KRT8: variants seen among roughly 807,000 people sequenced by gnomAD.
KRT8 encodes the protein keratin, type II cytoskeletal 8.
A neutral mutation model predicts 43.0 loss-of-function variants in KRT8; 24 were observed. The ratio of observed to expected loss-of-function variants is 0.56; its 90% CI spans 0.40 to 0.78. The LOEUF (loss-of-function observed/expected upper bound fraction) is 0.78, where lower values mean the gene tolerates loss of function less well. KRT8 is among the 30% of genes least tolerant of loss of function. The pLI, the probability that KRT8 is intolerant of heterozygous loss-of-function variation, is 0.00. For synonymous variants in KRT8, 214 were observed against 261.2 expected (o/e 0.82, Z 1.74); for missense variants, 492 against 638.4 (o/e 0.77, Z 2.47).
Position 52,935,396 on chromosome 12 carries a change from A to AG in KRT8, c.-47+14059_-47+14060insC, listed in dbSNP as rs1592184444. 2.7e-5 allele frequency among the ~76,000 whole-genome samples: 4 copies of AG among 145,520 alleles called. No homozygotes were observed. In the East Asian group the frequency reaches 8.1e-4, roughly 29 times the overall value. On this transcript the variant is annotated intron_variant, in intron 2 of 6. Coordinates refer to the KRT8 transcript ENST00000546826. ...TCTGTCTCAAAAAAAAAAAAAAAAA[A>AG]AAAAAAAAAAAAAAGGCCGGGCACA... is the stretch of plus-strand genomic sequence containing the variant.
At chr12:52,897,991 CCG>C (rs1941256461) in intron 7 of KRT8, among the ~76,000 whole-genome samples, 1 of 152,128 alleles carries the variant, frequency 6.6e-6, no homozygotes. Flanking sequence ...CAGTGAAACC[CCG>C]TCTCTACTAA....
chr12:52,920,929 A>C (rs1241226252), intron 2 of KRT8, among the ~76,000 whole-genome samples: 1 of 152,228 alleles, frequency 6.6e-6, no homozygotes, highest in Non-Finnish European at 1.5e-5. Flanking sequence ...GACTCTAGAG[A>C]GCACGCAGCT....
At chr12:52,946,431 C>A (rs145547523) in intron 2 of KRT8, among the ~76,000 whole-genome samples, 364 of 152,236 alleles carry the variant, frequency 2.4e-3, no homozygotes, top group African/African-American at 8.1e-3. Flanking sequence ...GAGTGAGTGA[C>A]AATTTACACT....
At chr12:52,924,625 A>T (rs182842601) in intron 2 of KRT8, among the ~76,000 whole-genome samples, 139 of 152,294 alleles carry the variant, frequency 9.1e-4, no homozygotes, top group Admixed American at 3.2e-3. Context: ...AAAATAAATT[A>T]TATGATGATA....
chr12:52,932,027 A>C (rs1446189552), intron 2 of KRT8, among the ~76,000 whole-genome samples: 1 of 150,128 alleles, frequency 6.7e-6, no homozygotes, highest in Non-Finnish European at 1.5e-5. Context: ...GAACTCCTGG[A>C]CTCAAGTAAT....
At chr12:52,914,054 C>T (rs1024524005) in intron 2 of KRT8, among the ~76,000 whole-genome samples, 6 of 149,472 alleles carry the variant, frequency 4.0e-5, no homozygotes, top group Non-Finnish European at 4.5e-5. Flanking sequence ...GAAATCCCGT[C>T]TCTACTAATA....
intron 2 of KRT8, among the ~76,000 whole-genome samples, chr12:52,923,825 T>C (rs543897548): frequency 7.3e-4 from 111 of 152,246 alleles, no homozygotes; most frequent in African/African-American, 2.6e-3. Flanking sequence ...CCTAAAGTGC[T>C]TGCAGTGTAG....
chr12:52,936,793 G>A (rs910580781), intron 2 of KRT8, among the ~76,000 whole-genome samples: 3 of 152,136 alleles, frequency 2.0e-5, no homozygotes, highest in African/African-American at 7.2e-5. Context: ...GGGATTACAG[G>A]TGTGAGGCAC....
intron 2 of KRT8, among the ~76,000 whole-genome samples, chr12:52,933,158 C>G (rs1942112023): frequency 6.6e-6 from 1 of 152,142 alleles, no homozygotes; most frequent in Non-Finnish European, 1.5e-5. Context: ...GTTGGCCAGG[C>G]TGGTCTTGAA....
upstream of KRT8, among the ~76,000 whole-genome samples, chr12:52,909,837 A>C (rs1163432771): frequency 1.3e-5 from 2 of 152,224 alleles, no homozygotes; most frequent in Non-Finnish European, 2.9e-5. Context: ...AAGAGATATG[A>C]TTAGAAATTA....
chr12:52,945,561 T>G (rs541770617), intron 2 of KRT8, among the ~76,000 whole-genome samples: 1 of 152,230 alleles, frequency 6.6e-6, no homozygotes, highest in East Asian at 1.9e-4. Flanking sequence ...ACCACCTAGT[T>G]TCCCCAGAGC....
At chr12:52,908,203 T>C (rs1941562868), upstream of KRT8, among the ~76,000 whole-genome samples, 1 of 151,680 alleles carries the variant, frequency 6.6e-6, no homozygotes, top group South Asian at 2.1e-4. Flanking sequence ...CTCATGATCA[T>C]GGGAAGAGAT....
Position 52,898,427 on chromosome 12 carries a change from T to C in KRT8, c.1261+34A>G, listed in dbSNP as rs754961598. ...AGCTGAGGCCTCCCTGGGCCCTGCCTCCCGCCCTCATCCCAGGGCCCTGGG... is the reference window on the plus strand; with the variant it reads ...AGCTGAGGCCTCCCTGGGCCCTGCCCCCCGCCCTCATCCCAGGGCCCTGGG... On this transcript the variant is annotated intron_variant, in intron 7 of 7. Coordinates refer to ENST00000692008, the Ensembl canonical transcript of KRT8. 24 of 1,596,840 alleles carry C rather than the reference T, an allele frequency of 1.5e-5. No homozygotes were observed. The South Asian group carries it at 2.1e-4, about 14-fold the overall frequency.
At chr12:52,925,903 T>C (rs1266693932) in intron 2 of KRT8, among the ~76,000 whole-genome samples, 1 of 152,070 alleles carries the variant, frequency 6.6e-6, no homozygotes, top group Admixed American at 6.6e-5. Context: ...GGCCCATTAC[T>C]CTGAGCTGGG....
At chr12:52,949,573 G>C (rs1227737710) in exon 2 of KRT8, 5 of 1,613,752 alleles carry the variant, frequency 3.1e-6, no homozygotes, top group Non-Finnish European at 4.2e-6. Context: ...CAAGATCATC[G>C]AGGACCTGAG....
intron 2 of KRT8, among the ~76,000 whole-genome samples, chr12:52,934,721 C>A (rs1942137983): frequency 1.3e-5 from 2 of 152,156 alleles, no homozygotes; most frequent in Non-Finnish European, 2.9e-5. Flanking sequence ...GTAATCCCAG[C>A]ACTTTGGGAA....
chr12:52,918,203 A>AAGAAGAAGAAGG (rs1565725692), intron 2 of KRT8, among the ~76,000 whole-genome samples: 7 of 116,032 alleles, frequency 6.0e-5, no homozygotes, highest in South Asian at 3.1e-4. Context: ...GAAGAAGAAG[A>AAGAAGAAGAAGG]ACAAGAAGAA....
exon 6 of KRT8, chr12:52,898,755 C>T: frequency 1.2e-6 from 2 of 1,614,234 alleles, no homozygotes; most frequent in South Asian, 1.1e-5. Flanking sequence ...TTCATCAGCT[C>T]CTGGTACTCA....
chr12:52,937,570 C>T (rs1942188474), intron 2 of KRT8, among the ~76,000 whole-genome samples: 1 of 151,168 alleles, frequency 6.6e-6, no homozygotes, highest in Non-Finnish European at 1.5e-5. Context: ...TGACTATAAT[C>T]CCAGCTACTC....
Sources: gnomAD v4.1 joint callset for allele counts (sites outside exome capture counted in the v4.1 genomes callset) on GRCh38, gnomAD v4.1.1 for gene constraint, MANE v1.5 for transcripts, NCBI Gene and HGNC (gene_info 2026-07-23, HGNC 2026-07-21) for gene names.